RAPGEF1: variants seen among roughly 807,000 people sequenced by gnomAD.
RAPGEF1 encodes CRK SH3-binding GNRP.
RAPGEF1 carries 33 observed loss-of-function variants against 143.3 expected under a neutral mutation model. The ratio of observed to expected loss-of-function variants is 0.23; its 90% CI spans 0.17 to 0.31. RAPGEF1 has a LOEUF of 0.31. Ranked by LOEUF, RAPGEF1 falls within the 10% of genes least tolerant of loss-of-function variation. RAPGEF1 has a pLI of 1.00. For synonymous variants in RAPGEF1, 629 were observed against 676.5 expected, an observed-to-expected ratio of 0.93 and a Z score of 1.09; for missense variants, 1,199 against 1,645.4, an observed-to-expected ratio of 0.73 and a Z score of 4.69.
intron 1 of RAPGEF1, among the ~76,000 whole-genome samples, chr9:131,663,618 G>A (rs1029512297): frequency 2.0e-5 from 3 of 152,092 alleles, no homozygotes; most frequent in Non-Finnish European, 4.4e-5. Context: ...TCTTGGAGGA[G>A]GTCCCCCGTA....
chr9:131,686,989 C>T (rs1042733105), intron 1 of RAPGEF1, among the ~76,000 whole-genome samples: 12 of 152,088 alleles, frequency 7.9e-5, no homozygotes, highest in African/African-American at 2.7e-4. Flanking sequence ...TTCAAAACCA[C>T]GCGAAGATAA....
intron 4 of RAPGEF1, among the ~76,000 whole-genome samples, chr9:131,639,272 A>G (rs1221132663): frequency 6.6e-6 from 1 of 152,174 alleles, no homozygotes; most frequent in Non-Finnish European, 1.5e-5. Flanking sequence ...ACAGGTCTGC[A>G]GTTTATTAGA....
intron 1 of RAPGEF1, among the ~76,000 whole-genome samples, chr9:131,702,547 G>A (rs1165616887): frequency 6.6e-6 from 1 of 152,188 alleles, no homozygotes; most frequent in African/African-American, 2.4e-5. Flanking sequence ...TTTTACAAGA[G>A]GAACGATTTC....
At chr9:131,660,597 C>T (rs926967112) in intron 1 of RAPGEF1, among the ~76,000 whole-genome samples, 1 of 152,198 alleles carries the variant, frequency 6.6e-6, no homozygotes, top group Non-Finnish European at 1.5e-5. Flanking sequence ...AACAATGCTG[C>T]GTTGATGAAC....
At chr9:131,696,033 G>A (rs1238238950) in intron 1 of RAPGEF1, among the ~76,000 whole-genome samples, 3 of 152,218 alleles carry the variant, frequency 2.0e-5, no homozygotes, top group Admixed American at 6.5e-5. Flanking sequence ...ACTGGGGCTG[G>A]AAGAGCTGCT....
chr9:131,661,187 A>G (rs1973980920), intron 1 of RAPGEF1, among the ~76,000 whole-genome samples: 1 of 152,220 alleles, frequency 6.6e-6, no homozygotes, highest in Non-Finnish European at 1.5e-5. Context: ...TCAGACATGT[A>G]CCAGAATATC....
At chr9:131,643,614 T>C (rs1485532828) in intron 3 of RAPGEF1, among the ~76,000 whole-genome samples, 197 bp from the exon 4 acceptor site, 1 of 152,176 alleles carries the variant, frequency 6.6e-6, no homozygotes, top group African/African-American at 2.4e-5. Context: ...AGAAGGGGGC[T>C]TGGACCAAGA....
intron 1 of RAPGEF1, among the ~76,000 whole-genome samples, chr9:131,672,557 C>A (rs1360572418): frequency 6.6e-6 from 1 of 152,184 alleles, no homozygotes; most frequent in Non-Finnish European, 1.5e-5. Context: ...AGCACTGTTT[C>A]AGAAGACAAA....
intron 4 of RAPGEF1, among the ~76,000 whole-genome samples, chr9:131,639,465 T>A (rs2133251674): frequency 7.2e-6 from 1 of 138,016 alleles, no homozygotes; most frequent in African/African-American, 2.6e-5. Flanking sequence ...TGTGTGTGTG[T>A]GTGAGAGAGA....
intron 1 of RAPGEF1, chr9:131,709,992 A>C (rs1835394320): frequency 2.0e-5 from 19 of 961,396 alleles, no homozygotes; most frequent in Non-Finnish European, 2.4e-5. Context: ...ACACTTTATT[A>C]CTCATCAGCA....
intron 1 of RAPGEF1, among the ~76,000 whole-genome samples, chr9:131,676,146 G>C (rs148314182): frequency 1.1e-4 from 16 of 152,324 alleles, no homozygotes; most frequent in Non-Finnish European, 2.1e-4. Context: ...CAGTGCAATG[G>C]AAAGGATGTA....
intron 12 of RAPGEF1, among the ~76,000 whole-genome samples, chr9:131,608,810 C>T (rs954249223): frequency 5.9e-5 from 9 of 152,192 alleles, no homozygotes; most frequent in Non-Finnish European, 1.2e-4. Flanking sequence ...CCATTTACAA[C>T]AGGCCCCCAT....
chr9:131,606,799 T>C (rs1957189526), intron 12 of RAPGEF1, among the ~76,000 whole-genome samples: 1 of 152,106 alleles, frequency 6.6e-6, no homozygotes, highest in African/African-American at 2.4e-5. Context: ...CACTTTTTGA[T>C]TTTTTTGTAG....
intron 10 of RAPGEF1, among the ~76,000 whole-genome samples, chr9:131,625,352 C>A (rs1478851636): frequency 6.6e-6 from 1 of 152,170 alleles, no homozygotes; most frequent in Non-Finnish European, 1.5e-5. Flanking sequence ...GGAAAATATT[C>A]AAAACTTCAG....
At chr9:131,729,826 C>A (rs1378962989) in intron 1 of RAPGEF1, among the ~76,000 whole-genome samples, 1 of 152,180 alleles carries the variant, frequency 6.6e-6, no homozygotes, top group Non-Finnish European at 1.5e-5. Flanking sequence ...TCGTTCCCGG[C>A]ACACAGGAAA....
In RAPGEF1 at chr9:131,638,684, A is replaced by G. The variant is rs201045584; in HGVS notation, c.602T>C (p.Met201Thr). The change falls in exon 5 of 27, where the codon ATG becomes ACG. Residue 201 changes from methionine to threonine, a missense_variant. Physicochemically the swap from Met to Thr is moderately conservative, Grantham distance 81 (BLOSUM62 -1). Coordinates refer to ENST00000683357, the MANE Select transcript of RAPGEF1 (RefSeq NM_001377935.1). ...LEGVNSEDKE[M>T]VTTVKGVIKA... ...GATGACCCCCTTCACAGTCGTCACC[A>G]TCTCCTTGTCTTCTGAGTTCACGCC... The G allele has an allele frequency of 7.4e-5, 120 of 1,614,000 alleles. No homozygotes were observed. The African/African-American group carries it at 1.5e-3, about 20-fold the overall frequency.
chr9:131,607,467 C>G (rs1258146121), intron 12 of RAPGEF1, among the ~76,000 whole-genome samples: 2 of 152,166 alleles, frequency 1.3e-5, no homozygotes, highest in African/African-American at 4.8e-5. Flanking sequence ...TCTGGGTTTT[C>G]CATCGATCTC....
rs1289062746 is a variant in RAPGEF1 at position 131,626,249 on chromosome 9, C to T, written c.1375G>A (p.Gly459Arg). Residue 459 changes from glycine to arginine, a missense_variant, in exon 10 of 27, where the codon GGA (glycine) becomes AGA (arginine). Transcript: ENST00000683357. ...LPLGGHPQPD[G>R]PLAPGQQTDT... The stretch of plus-strand genomic sequence containing the variant: ...GTCTGCTGCCCTGGGGCCAGAGGTC[C>T]GTCTGGCTGGGGATGGCCGCCAAGA... 7 of 1,613,896 alleles carry T rather than the reference C, an allele frequency of 4.3e-6. No individual in the cohort carries two copies. The African/African-American group carries it at 6.7e-5, about 15-fold the overall frequency.
chr9:131,611,444 C>T (rs1035605393), intron 12 of RAPGEF1, among the ~76,000 whole-genome samples: 3 of 152,216 alleles, frequency 2.0e-5, no homozygotes, highest in African/African-American at 7.2e-5. Context: ...AGTTCCTTCT[C>T]ATGTGATGTA....
Sources: allele counts gnomAD v4.1 joint callset (sites outside exome capture counted in the v4.1 genomes callset), GRCh38; gene constraint gnomAD v4.1.1; transcripts MANE v1.5; gene names NCBI Gene and HGNC (gene_info 2026-07-23, HGNC 2026-07-21).